The following FAM117B variants were observed in gnomAD, a reference collection of about 807,000 sequenced individuals.
FAM117B encodes the protein family with sequence similarity 117 member B, also known as protein FAM117B.
In FAM117B, 22 loss-of-function variants were observed where a neutral mutation model predicts 52.8. That is an observed-to-expected ratio of 0.42 (90% CI 0.30 to 0.59). The LOEUF (loss-of-function observed/expected upper bound fraction) is 0.59, where lower values mean the gene tolerates loss of function less well. Among genes scored for constraint, FAM117B ranks in the 20% least tolerant of loss-of-function variants. The probability of loss-of-function intolerance (pLI) is 0.22; values close to 1 mark genes in which losing one functional copy is unlikely to be tolerated. For synonymous variants in FAM117B, 309 were observed against 324.1 expected (o/e 0.95, Z 0.50); for missense variants, 678 against 802.6 (o/e 0.84, Z 1.88).
intron 4 of FAM117B, among the ~76,000 whole-genome samples, chr2:202,735,789 T>G (rs115658673): frequency 0.016 from 2,400 of 152,110 alleles, 66 homozygotes; most frequent in African/African-American, 0.054. Flanking sequence ...AGTAGTTATG[T>G]TTTTTTTATT....
chr2:202,698,306 G>A (rs1401416204), intron 2 of FAM117B, among the ~76,000 whole-genome samples: 1 of 152,206 alleles, frequency 6.6e-6, no homozygotes, highest in African/African-American at 2.4e-5. Context: ...GAATCCTACT[G>A]TTAGGGCAGA....
At chr2:202,641,950 T>C (rs1689776558) in intron 1 of FAM117B, among the ~76,000 whole-genome samples, 1 of 147,564 alleles carries the variant, frequency 6.8e-6, no homozygotes, top group South Asian at 2.1e-4. Flanking sequence ...ATATTTTCTT[T>C]TTTTTTTTTT....
At chr2:202,736,287 G>C (rs964748472) in intron 4 of FAM117B, among the ~76,000 whole-genome samples, 3 of 152,162 alleles carry the variant, frequency 2.0e-5, no homozygotes, top group Non-Finnish European at 4.4e-5. Flanking sequence ...TATAACTGCA[G>C]CTTGGAAGAG....
intron 1 of FAM117B, among the ~76,000 whole-genome samples, chr2:202,672,733 G>A (rs778729161): frequency 1.3e-5 from 2 of 152,096 alleles, no homozygotes; most frequent in Non-Finnish European, 2.9e-5. Flanking sequence ...TTTATTGAAA[G>A]TATAAGATCG....
In FAM117B at chr2:202,753,856, T is replaced by C. The variant is rs148274961; in HGVS notation, c.961-1682T>C. 2.4e-4 allele frequency among the ~76,000 whole-genome samples: 36 copies of C among 152,106 alleles called. No homozygotes were observed. The East Asian group carries it at 6.2e-3, about 26-fold the overall frequency. On this transcript the variant is annotated intron_variant, in intron 4 of 7. Transcript: ENST00000392238. ...CTCACGCCAGTCAGAATGGCAATTA[T>C]TAAAATAAGTCAGAAAACAATAGAT...
At chr2:202,679,694 TAAAAC>T (rs1347821663) in intron 1 of FAM117B, among the ~76,000 whole-genome samples, 2 of 152,158 alleles carry the variant, frequency 1.3e-5, no homozygotes, top group African/African-American at 4.8e-5. Context: ...AACAAAACCT[TAAAAC>T]AAACTTTAAG....
chr2:202,760,900 G>C (rs1026449382), intron 7 of FAM117B, among the ~76,000 whole-genome samples: 2 of 152,112 alleles, frequency 1.3e-5, no homozygotes, highest in African/African-American at 4.8e-5. Context: ...AGTTGTGCCT[G>C]CCCCCCTCCA....
At chr2:202,729,561 C>T (rs913920586) in intron 4 of FAM117B, among the ~76,000 whole-genome samples, 5 of 152,054 alleles carry the variant, frequency 3.3e-5, no homozygotes, top group Non-Finnish European at 5.9e-5. Context: ...TCTGTCCTTA[C>T]CAGTTCTCAT....
intron 1 of FAM117B, among the ~76,000 whole-genome samples, chr2:202,678,995 T>A (rs1056170313): frequency 3.9e-5 from 6 of 152,124 alleles, no homozygotes; most frequent in Admixed American, 3.3e-4. Flanking sequence ...CAAGGACTCT[T>A]TTTCCTCTCT....
intron 1 of FAM117B, among the ~76,000 whole-genome samples, chr2:202,647,619 A>G (rs1689890967): frequency 6.6e-6 from 1 of 152,210 alleles, no homozygotes; most frequent in Non-Finnish European, 1.5e-5. Flanking sequence ...GTGAATGACA[A>G]GACTTTATTC....
intron 1 of FAM117B, among the ~76,000 whole-genome samples, chr2:202,668,520 T>C (rs1574548638): frequency 8.6e-6 from 1 of 115,888 alleles, no homozygotes; most frequent in Admixed American, 9.8e-5. Context: ...AGAGCGAGAC[T>C]CTCTCTCAAA....
chr2:202,641,279 A>G (rs1427060747), intron 1 of FAM117B, among the ~76,000 whole-genome samples: 2 of 152,254 alleles, frequency 1.3e-5, no homozygotes, highest in Admixed American at 1.3e-4. Context: ...TAGAGGTGTG[A>G]AAATAAGCCT....
intron 1 of FAM117B, among the ~76,000 whole-genome samples, chr2:202,654,139 AACTT>A (rs1002357590): frequency 2.0e-5 from 3 of 149,484 alleles, no homozygotes; most frequent in African/African-American, 7.6e-5. Context: ...AAGACTTACT[AACTT>A]GATTCTGATT....
At chr2:202,646,994 A>G (rs930957345) in intron 1 of FAM117B, among the ~76,000 whole-genome samples, 38 of 152,256 alleles carry the variant, frequency 2.5e-4, no homozygotes, top group Middle Eastern at 3.4e-3. Context: ...TTGGGGGAAA[A>G]TGTGCAGTTA....
At position 202,726,957 on chromosome 2, in the gene FAM117B, A is replaced by T. The variant is rs74650172; in HGVS notation, c.960+594A>T. On this transcript the variant is annotated intron_variant, in intron 4 of 7. Coordinates refer to ENST00000392238, the MANE Select transcript of FAM117B (RefSeq NM_173511.4). ...AATTTAAAAAAATGTAAAAAAAAAA[A>T]TAGCTGTCTCATAGAAGTCTTTTGA... is the stretch of plus-strand genomic sequence containing the variant. 2.4e-3 allele frequency among the ~76,000 whole-genome samples: 371 copies of T among 152,260 alleles called. 3 individuals carry two copies. The highest frequency in any genetic ancestry group is 8.3e-3 in the East Asian group (43 of 5,188).
At chr2:202,640,839 G>C (rs1689760298) in intron 1 of FAM117B, among the ~76,000 whole-genome samples, 1 of 152,074 alleles carries the variant, frequency 6.6e-6, no homozygotes, top group African/African-American at 2.4e-5. Context: ...TCCAACTCCT[G>C]AGCTCAAGCT....
At chr2:202,718,986 G>A (rs915474246) in intron 2 of FAM117B, among the ~76,000 whole-genome samples, 7 of 152,044 alleles carry the variant, frequency 4.6e-5, no homozygotes, top group African/African-American at 1.4e-4. Flanking sequence ...ACCTCCAATC[G>A]TTAATCTAGT....
intron 4 of FAM117B, among the ~76,000 whole-genome samples, chr2:202,735,675 G>A (rs943168150): frequency 2.0e-5 from 3 of 152,196 alleles, no homozygotes; most frequent in Non-Finnish European, 2.9e-5. Context: ...ATTTGATTGA[G>A]TGTTAGAGTC....
intron 1 of FAM117B, among the ~76,000 whole-genome samples, chr2:202,639,231 T>C (rs568410728): frequency 4.3e-4 from 66 of 152,342 alleles, no homozygotes; most frequent in African/African-American, 1.5e-3. Flanking sequence ...CTGGATGCTG[T>C]AACCTTTGTT....
Sources: gnomAD v4.1 joint callset for allele counts (sites outside exome capture counted in the v4.1 genomes callset) on GRCh38, gnomAD v4.1.1 for gene constraint, MANE v1.5 for transcripts, NCBI Gene and HGNC (gene_info 2026-07-23, HGNC 2026-07-21) for gene names.